GRB2: variants seen among roughly 807,000 people sequenced by gnomAD.
GRB2 encodes growth factor receptor-bound protein 2.
In GRB2, 2 loss-of-function variants were observed where a neutral mutation model predicts 27.4. That is an observed-to-expected ratio of 0.07 (90% confidence interval 0.03 to 0.23). The LOEUF (loss-of-function observed/expected upper bound fraction) is 0.23, where lower values mean the gene tolerates loss of function less well. Among genes scored for constraint, GRB2 ranks in the 10% least tolerant of loss-of-function variants. GRB2 has a pLI of 1.00. For missense variants in GRB2, 102 were observed against 282.4 expected, an observed-to-expected ratio of 0.36 and a Z score of 4.58; for synonymous variants, 94 against 99.6, an observed-to-expected ratio of 0.94 and a Z score of 0.33.
intron 2 of GRB2, among the ~76,000 whole-genome samples, chr17:75,376,520 CAAA>C (rs1001049290): frequency 1.6e-5 from 2 of 124,518 alleles, no homozygotes; most frequent in Admixed American, 8.1e-5. Context: ...GACTCTGTTT[CAAA>C]AAAAAAAAAA....
At position 75,318,423 on chromosome 17, in the gene GRB2, C is replaced by T. The variant is rs755528831; in HGVS notation, c.*1945G>A. The T allele has an allele frequency of 6.6e-6, 1 of 152,136 alleles. No homozygotes were observed. The highest frequency in any genetic ancestry group is 2.4e-5 in the African/African-American group (1 of 41,428). The allele number at this position is 152,136 out of a possible 1,614,324, so 9.4% of individuals were successfully genotyped here. A position where few individuals can be genotyped will look rare whatever the true frequency, so the allele number is the denominator to read the frequency against. On this transcript the variant is annotated 3_prime_UTR_variant, in exon 6 of 6. Coordinates refer to ENST00000316804, the MANE Select transcript of GRB2 (RefSeq NM_002086.5). ...CCTGGGCCCTGTTCATATCTGGAGT[C>T]GGAGGGAGACTCCCATCGGCCGCTT...
At chr17:75,358,812 AGG>A (rs2078754422) in intron 2 of GRB2, among the ~76,000 whole-genome samples, 1 of 145,106 alleles carries the variant, frequency 6.9e-6, no homozygotes, top group Admixed American at 7.0e-5. Flanking sequence ...TGAACCCAGG[AGG>A]CAGAGGTTGC....
intron 1 of GRB2, among the ~76,000 whole-genome samples, chr17:75,401,421 C>T (rs1052429834): frequency 2.2e-5 from 3 of 138,836 alleles, no homozygotes; most frequent in South Asian, 2.3e-4. Flanking sequence ...GTCCGCAGTC[C>T]GGCCTGGGCG....
At chr17:75,353,805 G>A (rs892865805) in intron 2 of GRB2, among the ~76,000 whole-genome samples, 5 of 151,814 alleles carry the variant, frequency 3.3e-5, no homozygotes, top group African/African-American at 4.8e-5. Flanking sequence ...TTGGGAGGCC[G>A]AGGCAGGCGG....
chr17:75,365,257 TC>T, intron 2 of GRB2, among the ~76,000 whole-genome samples: 1 of 152,170 alleles, frequency 6.6e-6, no homozygotes, highest in African/African-American at 2.4e-5. Flanking sequence ...AACGAATGGC[TC>T]ATCTTACGCT....
chr17:75,354,322 C>G (rs868191361), intron 2 of GRB2, among the ~76,000 whole-genome samples: 1 of 145,696 alleles, frequency 6.9e-6, no homozygotes, highest in Admixed American at 6.9e-5. Flanking sequence ...TGCAATGGTG[C>G]GATCTCTGCT....
At chr17:75,323,074 G>A (rs1359934336) in intron 4 of GRB2, among the ~76,000 whole-genome samples, 2 of 149,690 alleles carry the variant, frequency 1.3e-5, no homozygotes, top group Admixed American at 6.7e-5. Context: ...AGCCGAGATT[G>A]GGCCACTGTA....
In GRB2 at chr17:75,346,769, T is replaced by C. The variant is rs541236282; in HGVS notation, c.79-13972A>G. ...ATTTTTTAGTAGAGACGGGGTTTCA[T>C]CATGTTGGCCAGGCTAGTCTCAAAC... On this transcript the variant is annotated intron_variant, in intron 2 of 5. Coordinates refer to ENST00000316804, the MANE Select transcript of GRB2 (RefSeq NM_002086.5). Among the ~76,000 whole-genome samples, 59 of 151,836 alleles carry C rather than the reference T, an allele frequency of 3.9e-4. 1 individual carries two copies. The highest frequency in any genetic ancestry group is 1.4e-3 in the African/African-American group (56 of 41,422).
intron 1 of GRB2, among the ~76,000 whole-genome samples, chr17:75,397,510 T>C (rs1250417315): frequency 6.6e-6 from 1 of 152,192 alleles, no homozygotes; most frequent in Non-Finnish European, 1.5e-5. Context: ...AAAACTACTA[T>C]CCTAAAGGTA....
chr17:75,334,396 C>T (rs1259631630), intron 2 of GRB2, among the ~76,000 whole-genome samples: 1 of 152,076 alleles, frequency 6.6e-6, no homozygotes, highest in Admixed American at 6.6e-5. Context: ...TGGTCTCGAT[C>T]TCCTGACCTT....
Position 75,318,772 on chromosome 17 carries a change from C to A in GRB2, c.*1596G>T, listed in dbSNP as rs1470710456. The A allele has an allele frequency of 2.0e-5, 3 of 152,244 alleles. No individual in the cohort carries two copies. The East Asian group carries it at 5.8e-4, about 29-fold the overall frequency. The allele number at this position is 152,244 out of a possible 1,614,324, so 9.4% of individuals were successfully genotyped here. A position where few individuals can be genotyped will look rare whatever the true frequency, so the allele number is the denominator to read the frequency against. On this transcript the variant is annotated 3_prime_UTR_variant, in exon 6 of 6. Coordinates refer to ENST00000316804, the MANE Select transcript of GRB2 (RefSeq NM_002086.5). ...ACACTCACCTGGACAGGTCAGGGGA[C>A]ACAGGATGAAAGCCATGGCCCAATC...
In GRB2 at chr17:75,374,171, C is replaced by A. The variant is rs572823312; in HGVS notation, c.78+19380G>T. Among the ~76,000 whole-genome samples the A allele has an allele frequency of 5.8e-3, 885 of 151,706 alleles. 7 individuals carry two copies. Among genetic ancestry groups the A allele is most frequent in the Non-Finnish European group, 9.1e-3 (616 of 67,874 alleles). ...TTGTAATCCTAGCACTTTGGGAGGC[C>A]GAGGCAGGCGGATCATCTGAGGTCA... On this transcript the variant is annotated intron_variant, in intron 2 of 5. Coordinates refer to ENST00000316804, the MANE Select transcript of GRB2 (RefSeq NM_002086.5).
chr17:75,332,712 A>G lies in GRB2; in HGVS notation c.164T>C (p.Met55Thr). Residue 55 changes from methionine (M) to threonine (T), a missense_variant, in exon 3 of 6, where the codon ATG becomes ACG. Physicochemically the swap from Met to Thr is moderately conservative, Grantham distance 81 (BLOSUM62 -1). Coordinates refer to ENST00000316804, the MANE Select transcript of GRB2 (RefSeq NM_002086.5). ...GAGCTTAACTTACGGATGTGGTTTC[A>G]TTTCTATGTAGTTCTTGGGAATGAA... is the stretch of plus-strand genomic sequence containing the variant. The part of the protein sequence containing the change: ...DGFIPKNYIE[M>T]KPHPWFFGKI... 1.2e-6 allele frequency: 2 copies of G among 1,602,806 alleles called. No individual in the cohort carries two copies. Among genetic ancestry groups the G allele is most frequent in the South Asian group, 1.1e-5 (1 of 90,474 alleles).
At chr17:75,381,982 T>C (rs1251222842) in intron 2 of GRB2, among the ~76,000 whole-genome samples, 1 of 151,994 alleles carries the variant, frequency 6.6e-6, no homozygotes, top group African/African-American at 2.4e-5. Flanking sequence ...CCCAGCACTT[T>C]GGGAGGCTGA....
At chr17:75,329,229 G>T (rs779654074) in intron 3 of GRB2, among the ~76,000 whole-genome samples, 20 of 151,970 alleles carry the variant, frequency 1.3e-4, no homozygotes, top group Non-Finnish European at 2.2e-4. Flanking sequence ...TTCCTCCTAG[G>T]CCCCCAAGAT....
At chr17:75,357,313 T>G (rs925046923) in intron 2 of GRB2, among the ~76,000 whole-genome samples, 3 of 152,188 alleles carry the variant, frequency 2.0e-5, no homozygotes, top group Non-Finnish European at 4.4e-5. Context: ...GATGGGACCG[T>G]AGAACAGAGA....
chr17:75,381,216 C>T (rs1328677501), intron 2 of GRB2, among the ~76,000 whole-genome samples: 1 of 151,996 alleles, frequency 6.6e-6, no homozygotes, highest in Non-Finnish European at 1.5e-5. Context: ...AAATTCACTA[C>T]AATTACAGGA....
At chr17:75,327,895 C>T (rs567225847) in intron 3 of GRB2, among the ~76,000 whole-genome samples, 25 of 152,258 alleles carry the variant, frequency 1.6e-4, no homozygotes, top group Admixed American at 1.2e-3. Flanking sequence ...GCATACTCTA[C>T]TGCCAGGATG....
intron 1 of GRB2, among the ~76,000 whole-genome samples, chr17:75,399,947 G>A (rs2079053886): frequency 6.6e-6 from 1 of 151,866 alleles, no homozygotes; most frequent in African/African-American, 2.4e-5. Context: ...TGGGATTACA[G>A]GCATGAGCCA....
Sources: gnomAD v4.1 joint callset for allele counts (sites outside exome capture counted in the v4.1 genomes callset) on GRCh38, gnomAD v4.1.1 for gene constraint, MANE v1.5 for transcripts, NCBI Gene and HGNC (gene_info 2026-07-23, HGNC 2026-07-21) for gene names.